Variants in GALNT13 observed in about 807,000 individuals in gnomAD.
GALNT13 encodes the protein UDP-GalNAc:polypeptide N-acetylgalactosaminyltransferase 13.
GALNT13 carries 28 observed loss-of-function variants against 64.2 expected under a neutral mutation model. The ratio of observed to expected loss-of-function variants is 0.44; its 90% CI spans 0.32 to 0.60. GALNT13 has a LOEUF of 0.60. Ranked by LOEUF, GALNT13 falls within the 20% of genes least tolerant of loss-of-function variation. The pLI is 0.05. For synonymous variants in GALNT13, 214 were observed against 224.6 expected (o/e 0.95, Z 0.42); for missense variants, 577 against 669.8 (o/e 0.86, Z 1.53).
chr2:153,393,663 G>A, the GALNT13 span, among the ~76,000 whole-genome samples: 4 of 150,838 alleles, frequency 2.7e-5, no homozygotes, highest in Non-Finnish European at 5.9e-5. Flanking sequence ...GTATTTTCCA[G>A]ATGAATTAAC....
At chr2:154,394,190 G>C (rs1391628138) in intron 9 of GALNT13, among the ~76,000 whole-genome samples, 1 of 151,520 alleles carries the variant, frequency 6.6e-6, no homozygotes. Context: ...TAGAGCAGAG[G>C]TTGGCCACTG....
chr2:154,120,252 G>A (rs1245194014), intron 3 of GALNT13, among the ~76,000 whole-genome samples: 1 of 152,110 alleles, frequency 6.6e-6, no homozygotes. Context: ...CTACTATCAG[G>A]CATAGCTTCT....
At chr2:154,134,865 A>G (rs1255452212) in intron 3 of GALNT13, among the ~76,000 whole-genome samples, 1 of 152,146 alleles carries the variant, frequency 6.6e-6, no homozygotes, top group Non-Finnish European at 1.5e-5. Flanking sequence ...GGGCACCTGT[A>G]ATTCCAGCTA....
chr2:154,184,401 G>A (rs553518316), intron 4 of GALNT13, among the ~76,000 whole-genome samples: 93 of 152,138 alleles, frequency 6.1e-4, no homozygotes, highest in African/African-American at 2.1e-3. Context: ...AGTAATTATT[G>A]ATTGAGAAGG....
chr2:154,453,756 T>C lies in GALNT13; in HGVS notation c.*3205T>C, dbSNP rs936180899. The C allele has an allele frequency of 1.3e-5, 2 of 152,156 alleles. No individual in the cohort carries two copies. The highest frequency in any genetic ancestry group is 4.8e-5 in the African/African-American group (2 of 41,444). The allele number at this position is 152,156 out of a possible 1,614,324, so 9.4% of individuals were successfully genotyped here. A position where few individuals can be genotyped will look rare whatever the true frequency, so the allele number is the denominator to read the frequency against. On this transcript the variant is annotated 3_prime_UTR_variant, in exon 13 of 13. Coordinates refer to ENST00000392825, the MANE Select transcript of GALNT13 (RefSeq NM_052917.4). Reference sequence around the variant, plus strand: ...TCTTGAATTAATGAACTGAAAAATGTGTGTTAAAGTTGCTAAGTGTAACTG... The same window carrying C: ...TCTTGAATTAATGAACTGAAAAATGCGTGTTAAAGTTGCTAAGTGTAACTG...
chr2:154,129,065 A>G (rs903822725), intron 3 of GALNT13, among the ~76,000 whole-genome samples: 1 of 152,160 alleles, frequency 6.6e-6, no homozygotes, highest in Non-Finnish European at 1.5e-5. Flanking sequence ...GAGATCAGTG[A>G]TATTTTAACC....
chr2:154,027,764 A>G (rs990258141), intron 3 of GALNT13, among the ~76,000 whole-genome samples: 3 of 152,138 alleles, frequency 2.0e-5, no homozygotes, highest in African/African-American at 7.2e-5. Context: ...AATAAATAGG[A>G]ACTGGGAATA....
At chr2:153,404,962 G>C in the GALNT13 span, among the ~76,000 whole-genome samples, 1 of 152,144 alleles carries the variant, frequency 6.6e-6, no homozygotes, top group Non-Finnish European at 1.5e-5. Context: ...TGTTGGCTCT[G>C]GGTGGGACAG....
rs180818487 is a variant in GALNT13, at chr2:154,178,403, C to A, written c.311+37898C>A. On this transcript the variant is annotated intron_variant, in intron 4 of 12. Coordinates refer to ENST00000392825, the MANE Select transcript of GALNT13 (RefSeq NM_052917.4). ...GACACGGGAAGGGGAACATCACACA[C>A]CGGGGACTGTTGTGGGGTGGGGGGA... Among the ~76,000 whole-genome samples the A allele has an allele frequency of 9.8e-5, 11 of 112,308 alleles. No homozygotes were observed. In the East Asian group the frequency reaches 2.6e-3, roughly 26 times the overall value. The allele number at this position is 112,308 out of a possible 152,430, so 73.7% of individuals were successfully genotyped here. A position where few individuals can be genotyped will look rare whatever the true frequency, so the allele number is the denominator to read the frequency against.
At chr2:154,324,148 C>T (rs1694761057) in intron 9 of GALNT13, among the ~76,000 whole-genome samples, 1 of 151,994 alleles carries the variant, frequency 6.6e-6, no homozygotes, top group African/African-American at 2.4e-5. Context: ...CTCTATTGTT[C>T]CAATGAGAAT....
chr2:153,248,139 A>G, the GALNT13 span, among the ~76,000 whole-genome samples: 1 of 152,188 alleles, frequency 6.6e-6, no homozygotes, highest in Non-Finnish European at 1.5e-5. Flanking sequence ...AGGTACAAAG[A>G]GGAGCTGGTA....
the GALNT13 span, among the ~76,000 whole-genome samples, chr2:153,325,124 T>TGTTTTTG: frequency 1.4e-5 from 2 of 144,896 alleles, no homozygotes; most frequent in Non-Finnish European, 3.0e-5. Context: ...GTTTTTTTTT[T>TGTTTTTG]TTTTTTTTTT....
In GALNT13 at chr2:154,039,980, C is replaced by G. The variant is rs537682922; in HGVS notation, c.142+95341C>G. On this transcript the variant is annotated intron_variant, in intron 3 of 12. Transcript: ENST00000392825. ...CACTGTTATCTGTAGCTTACTCTGG[C>G]CTCTTATGTTGACAAACTGTGTTTT... Among the ~76,000 whole-genome samples the G allele has an allele frequency of 1.0e-4, 14 of 140,576 alleles. 3 individuals are homozygous for G. In the South Asian group the frequency reaches 1.6e-3, roughly 16 times the overall value. 92.2% of individuals were successfully genotyped at this position (140,576 alleles called of 152,430 possible).
the GALNT13 span, among the ~76,000 whole-genome samples, chr2:153,307,767 T>C: frequency 6.6e-6 from 1 of 152,148 alleles, no homozygotes; most frequent in African/African-American, 2.4e-5. Context: ...TTAACATTAC[T>C]TTACATCAGA....
chr2:153,123,714 T>C, the GALNT13 span, among the ~76,000 whole-genome samples: 1 of 152,332 alleles, frequency 6.6e-6, no homozygotes, highest in East Asian at 1.9e-4. Flanking sequence ...ATGCCTTTAA[T>C]GTTAGCCATT....
the GALNT13 span, among the ~76,000 whole-genome samples, chr2:153,567,778 C>CA: frequency 1.3e-5 from 2 of 149,636 alleles, no homozygotes; most frequent in African/African-American, 5.0e-5. Context: ...AGGTTATGTA[C>CA]AAAAAAGAAC....
the GALNT13 span, among the ~76,000 whole-genome samples, chr2:153,374,680 A>G: frequency 6.6e-6 from 1 of 152,118 alleles, no homozygotes; most frequent in Non-Finnish European, 1.5e-5. Flanking sequence ...AATTCTACCA[A>G]TCAGAAATAC....
At chr2:153,629,942 T>A in the GALNT13 span, among the ~76,000 whole-genome samples, 247 of 147,308 alleles carry the variant, frequency 1.7e-3, no homozygotes, top group African/African-American at 5.8e-3. Context: ...TCAAAACCAC[T>A]ATGAGATATC....
At chr2:153,157,209 G>T in the GALNT13 span, among the ~76,000 whole-genome samples, 2 of 152,132 alleles carry the variant, frequency 1.3e-5, no homozygotes, top group Non-Finnish European at 1.5e-5. Context: ...AGCCATGTTT[G>T]TGCTCTTAAA....
Sources: allele counts gnomAD v4.1 joint callset (sites outside exome capture counted in the v4.1 genomes callset), GRCh38; gene constraint gnomAD v4.1.1; transcripts MANE v1.5; gene names NCBI Gene and HGNC (gene_info 2026-07-23, HGNC 2026-07-21).